HSPA14: variants seen among roughly 807,000 people sequenced by gnomAD.
HSPA14 encodes the protein heat shock protein family A (Hsp70) member 14.
In HSPA14, 37 loss-of-function variants were observed where a neutral mutation model predicts 65.5. That is an observed-to-expected ratio of 0.56 (90% CI 0.43 to 0.74). The LOEUF is 0.74. HSPA14 is among the 30% of genes least tolerant of loss of function. HSPA14 has a pLI of 0.00. For synonymous variants in HSPA14, 203 were observed against 214.2 expected (o/e 0.95, Z 0.46); for missense variants, 564 against 607.6 (o/e 0.93, Z 0.75).
chr10:14,863,617 G>C (rs900890345), intron 10 of HSPA14, among the ~76,000 whole-genome samples: 9 of 152,064 alleles, frequency 5.9e-5, no homozygotes, highest in African/African-American at 1.9e-4. Context: ...AGCATGACTT[G>C]CTCTTAATAA....
At chr10:14,857,791 ACTTTT>A (rs1241936622) in intron 10 of HSPA14, among the ~76,000 whole-genome samples, 1 of 151,944 alleles carries the variant, frequency 6.6e-6, no homozygotes, top group Admixed American at 6.6e-5. Flanking sequence ...TATGAAATAT[ACTTTT>A]CTTTTAACTT....
Position 14,867,899 on chromosome 10 carries a change from A to G in HSPA14, c.1370A>G (p.Lys457Arg). Residue 457 changes from lysine to arginine, a missense_variant, in exon 12 of 14, where the codon AAG (lysine) becomes AGG (arginine). Lys to Arg is a conservative substitution (Grantham distance 26). Transcript: ENST00000378372. ...AAGAACTCTGCCAAAGAGGAAACCA[A>G]GTTTGCACAGGTGAATACATAAAGT... ...DGKNSAKEET[K>R]FAQVVLQDLD... The G allele has an allele frequency of 3.7e-6, 6 of 1,613,180 alleles. No individual in the cohort carries two copies. Among genetic ancestry groups the G allele is most frequent in the East Asian group, 2.2e-5 (1 of 44,858 alleles).
chr10:14,843,723 G>C (rs1453860111), intron 3 of HSPA14: 2 of 1,537,812 alleles, frequency 1.3e-6, no homozygotes, highest in Non-Finnish European at 8.7e-7. Flanking sequence ...TGGACAGGCT[G>C]ATTGCTATTG....
At chr10:14,865,100 T>G (rs867146746) in intron 10 of HSPA14, among the ~76,000 whole-genome samples, 12 of 152,250 alleles carry the variant, frequency 7.9e-5, no homozygotes, top group South Asian at 6.2e-4. Flanking sequence ...TCATGTGTCT[T>G]TTGGCTGCAT....
rs1834106303 is a variant in HSPA14, at chr10:14,851,205, C to T, written c.468-14C>T. 5.6e-6 allele frequency: 8 copies of T among 1,436,444 alleles called. No homozygotes were observed. Among genetic ancestry groups the T allele is most frequent in the Non-Finnish European group, 7.7e-6 (8 of 1,036,052 alleles). The allele number at this position is 1,436,444 out of a possible 1,614,324, so 89.0% of individuals were successfully genotyped here. A position where few individuals can be genotyped will look rare whatever the true frequency, so the allele number is the denominator to read the frequency against. ...TGTGATAAATTAAATTCATTGAAAG[C>T]AAATTGTTCACAGAGAAGCAGCTAG... On this transcript the variant is annotated splice_polypyrimidine_tract_variant and intron_variant, in intron 6 of 13. Coordinates refer to ENST00000378372, the MANE Select transcript of HSPA14 (RefSeq NM_016299.4).
Position 14,841,935 on chromosome 10 carries a change from T to C in HSPA14, c.221+1778T>C, listed in dbSNP as rs111563033. On this transcript the variant is annotated intron_variant, in intron 3 of 13. Coordinates refer to ENST00000378372, the MANE Select transcript of HSPA14 (RefSeq NM_016299.4). The stretch of plus-strand genomic sequence containing the variant: ...CCATTGTTGTACCAACTCTCAGCCA[T>C]GAAAGCATTTGGCCTTTTTGTTACC... 9.1e-3 allele frequency among the ~76,000 whole-genome samples: 1,389 copies of C among 152,338 alleles called. 21 individuals carry two copies. Among genetic ancestry groups the C allele is most frequent in the African/African-American group, 0.031 (1,276 of 41,578 alleles).
At chr10:14,871,482 T>C in intron 13 of HSPA14, 46 bp from the exon 14 acceptor site, 1 of 1,123,026 alleles carries the variant, frequency 8.9e-7, no homozygotes, top group South Asian at 1.3e-5. Flanking sequence ...TTTATGTTTT[T>C]ATAAAATGAG....
intron 12 of HSPA14, among the ~76,000 whole-genome samples, chr10:14,869,540 C>T (rs1219516370): frequency 6.6e-6 from 1 of 152,162 alleles, no homozygotes; most frequent in East Asian, 1.9e-4. Flanking sequence ...GGTGATCTGC[C>T]TGCCTCAGCC....
intron 8 of HSPA14, among the ~76,000 whole-genome samples, chr10:14,853,233 T>C (rs2131641773): frequency 6.6e-6 from 1 of 152,334 alleles, no homozygotes; most frequent in Admixed American, 6.5e-5. Context: ...TTAAATGAAG[T>C]CATTGATCAC....
intron 12 of HSPA14, among the ~76,000 whole-genome samples, chr10:14,869,558 C>G (rs1176882164): frequency 6.6e-6 from 1 of 152,108 alleles, no homozygotes; most frequent in Non-Finnish European, 1.5e-5. Flanking sequence ...GCCTCCCAAA[C>G]TGCTGGGATT....
chr10:14,869,667 T>G (rs537476859), intron 12 of HSPA14, among the ~76,000 whole-genome samples: 2 of 152,314 alleles, frequency 1.3e-5, no homozygotes, highest in East Asian at 3.9e-4. Flanking sequence ...GGGCTGCACC[T>G]CAGACTTACC....
intron 10 of HSPA14, 87 bp downstream of exon 10, chr10:14,856,030 T>A: frequency 1.4e-6 from 1 of 725,368 alleles, no homozygotes; most frequent in East Asian, 2.6e-5. Flanking sequence ...GAAAGAATAT[T>A]TTAATGCATT....
rs17155990 is a variant in HSPA14, at chr10:14,841,959, C to T, written c.221+1802C>T. Among the ~76,000 whole-genome samples, 1,518 of 152,320 alleles carry T rather than the reference C, an allele frequency of 1.0e-2. 20 individuals are homozygous for T. Among genetic ancestry groups the T allele is most frequent in the African/African-American group, 0.033 (1,368 of 41,570 alleles). The stretch of plus-strand genomic sequence containing the variant: ...ATGAAAGCATTTGGCCTTTTTGTTA[C>T]CAAGCCATTAGGTTCTTGGTGCCGT... On this transcript the variant is annotated intron_variant, in intron 3 of 13. Coordinates refer to ENST00000378372, the MANE Select transcript of HSPA14 (RefSeq NM_016299.4).
intron 10 of HSPA14, among the ~76,000 whole-genome samples, chr10:14,863,268 C>T (rs950618105): frequency 3.9e-5 from 6 of 152,136 alleles, no homozygotes; most frequent in African/African-American, 1.4e-4. Flanking sequence ...CTCTACCTGA[C>T]CTATATCGTC....
At chr10:14,852,231 C>A in intron 7 of HSPA14, 139 bp from the exon 8 acceptor site, 1 of 679,426 alleles carries the variant, frequency 1.5e-6, no homozygotes, top group Non-Finnish European at 2.5e-6. Context: ...CAATAAGTGA[C>A]TATAGACAAC....
Position 14,871,717 on chromosome 10 carries a change from T to C in HSPA14, c.*111T>C. 1.8e-6 allele frequency: 1 copy of C among 555,990 alleles called. No individual in the cohort carries two copies. The highest frequency in any genetic ancestry group is 3.1e-6 in the Non-Finnish European group (1 of 318,520). The allele number at this position is 555,990 out of a possible 1,614,324, so 34.4% of individuals were successfully genotyped here. A position where few individuals can be genotyped will look rare whatever the true frequency, so the allele number is the denominator to read the frequency against. On this transcript the variant is annotated 3_prime_UTR_variant, in exon 14 of 14. Coordinates refer to ENST00000378372, the MANE Select transcript of HSPA14 (RefSeq NM_016299.4). Reference sequence around the variant, plus strand: ...TTCAATGAACTGTATAAACTATGTTTTATTAAACTACAATATATCAGTAAG... The same window carrying C: ...TTCAATGAACTGTATAAACTATGTTCTATTAAACTACAATATATCAGTAAG...
chr10:14,867,240 T>C lies in HSPA14; in HGVS notation c.1151T>C (p.Leu384Pro). ...EAGILIGKEN[L>P]LVEDSLMIEC... ...GGAATTCTTATTGGGAAAGAAAACC[T>C]GTTGGTGGAAGACTCTCTTATGATA... Residue 384 changes from leucine to proline, a missense_variant, in exon 11 of 14, where the codon CTG becomes CCG. Transcript: ENST00000378372. The C allele has an allele frequency of 6.2e-7, 1 of 1,613,860 alleles. No homozygotes were observed. Among genetic ancestry groups the C allele is most frequent in the Non-Finnish European group, 8.5e-7 (1 of 1,179,814 alleles).
chr10:14,867,716 C>A lies in HSPA14; in HGVS notation c.1207-20C>A. The stretch of plus-strand genomic sequence containing the variant: ...AAAGATAAATACCAAAGAGTATGCA[C>A]CTTGTTTCCTGCTAACTAGGGTGTG... On this transcript the variant is annotated intron_variant, in intron 11 of 13. Transcript: ENST00000378372. 1 of 1,603,948 alleles carries A rather than the reference C, an allele frequency of 6.2e-7. No individual in the cohort carries two copies. Among genetic ancestry groups the A allele is most frequent in the Non-Finnish European group, 8.5e-7 (1 of 1,176,304 alleles).
chr10:14,854,157 G>A lies in HSPA14; in HGVS notation c.767G>A (p.Arg256Gln). The change falls in exon 9 of 14, where the codon CGA becomes CAA. Residue 256 changes from arginine (R) to glutamine (Q), a missense_variant. Transcript: ENST00000378372. ...AAACATGATGTGAGAGGAAATGCGC[G>A]AGCCATGATGAAATTAACGAACAGT... ...SFKHDVRGNARAMMKLTNSAE... is the reference protein window; with the variant it reads ...SFKHDVRGNAQAMMKLTNSAE... 3 of 1,608,506 alleles carry A rather than the reference G, an allele frequency of 1.9e-6. No individual in the cohort carries two copies. The highest frequency in any genetic ancestry group is 1.7e-6 in the Non-Finnish European group (2 of 1,178,578).
Sources: allele counts gnomAD v4.1 joint callset (sites outside exome capture counted in the v4.1 genomes callset), GRCh38; gene constraint gnomAD v4.1.1; transcripts MANE v1.5; gene names NCBI Gene and HGNC (gene_info 2026-07-23, HGNC 2026-07-21).